The following ST8SIA6 variants were observed in gnomAD, a reference collection of about 807,000 sequenced individuals.
ST8SIA6 encodes the protein alpha-2,8-sialyltransferase 8F.
A neutral mutation model predicts 33.6 loss-of-function variants in ST8SIA6; 39 were observed. That is an observed-to-expected ratio of 1.16 (90% CI 0.90 to 1.52). ST8SIA6 has a LOEUF of 1.52. Among genes scored for constraint, ST8SIA6 ranks in the 40% most tolerant of loss-of-function variants. The pLI is 0.00. For missense variants in ST8SIA6, 441 were observed against 443.8 expected, an observed-to-expected ratio of 0.99 and a Z score of 0.06; for synonymous variants, 172 against 167.2, an observed-to-expected ratio of 1.03 and a Z score of -0.22.
chr10:17,368,697 T>A (rs529278416), intron 3 of ST8SIA6, among the ~76,000 whole-genome samples: 3 of 148,806 alleles, frequency 2.0e-5, no homozygotes, highest in African/African-American at 7.3e-5. Context: ...AAGTAATAAT[T>A]AAGTAAGCTG....
intron 2 of ST8SIA6, among the ~76,000 whole-genome samples, chr10:17,414,189 C>G (rs1301642160): frequency 3.9e-5 from 6 of 152,204 alleles, no homozygotes; most frequent in Non-Finnish European, 8.8e-5. Flanking sequence ...GGGGCTACCC[C>G]CAACTAGCCA....
chr10:17,328,288 C>G (rs969497173), intron 5 of ST8SIA6, among the ~76,000 whole-genome samples: 1 of 152,196 alleles, frequency 6.6e-6, no homozygotes, highest in African/African-American at 2.4e-5. Flanking sequence ...AATGACCAGC[C>G]AGCGTGCTTC....
chr10:17,454,116 C>A lies in ST8SIA6; in HGVS notation c.101+39G>T. 2 of 257,794 alleles carry A rather than the reference C, an allele frequency of 7.8e-6. 1 individual carries two copies. The highest frequency in any genetic ancestry group is 2.3e-3 in the Middle Eastern group (2 of 880). 16.0% of individuals were successfully genotyped at this position (257,794 alleles called of 1,614,324 possible). ...GGGGGTCCGGGGGCGCCAGGCGGGG[C>A]GCGCGGCGCGGGGCGCGGCCGGCGG... On this transcript the variant is annotated intron_variant, in intron 1 of 7. Transcript: ENST00000377602. The surrounding 1 kb of genome is among the most constrained non-coding windows in gnomAD (Gnocchi z 4.1).
At chr10:17,333,783 A>T (rs1348624875) in intron 4 of ST8SIA6, among the ~76,000 whole-genome samples, 1 of 128,916 alleles carries the variant, frequency 7.8e-6, no homozygotes, top group Non-Finnish European at 1.6e-5. Context: ...GTGCAGCGGC[A>T]CAATTTCAGC....
At position 17,367,571 on chromosome 10, in the gene ST8SIA6, A is replaced by G. The variant is rs980235844; in HGVS notation, c.291-7971T>C. ...CCAGGATAAAGAGAATCAATAAACAAATAATGAGTCTGATATTTAAGAGTT... is the reference window on the plus strand; with the variant it reads ...CCAGGATAAAGAGAATCAATAAACAGATAATGAGTCTGATATTTAAGAGTT... On this transcript the variant is annotated intron_variant, in intron 3 of 7. Coordinates refer to ENST00000377602, the MANE Select transcript of ST8SIA6 (RefSeq NM_001004470.3). Among the ~76,000 whole-genome samples, 4 of 152,174 alleles carry G rather than the reference A, an allele frequency of 2.6e-5. No individual in the cohort carries two copies. The East Asian group carries it at 7.7e-4, about 29-fold the overall frequency.
intron 3 of ST8SIA6, among the ~76,000 whole-genome samples, chr10:17,373,015 G>A (rs557162082): frequency 2.6e-5 from 4 of 152,268 alleles, no homozygotes; most frequent in African/African-American, 7.2e-5. Context: ...CCTACAGATC[G>A]AGGGTACAGG....
chr10:17,340,958 G>A (rs1848652786), intron 4 of ST8SIA6, among the ~76,000 whole-genome samples: 1 of 152,224 alleles, frequency 6.6e-6, no homozygotes. Flanking sequence ...GAGTCTGTGT[G>A]TTTGCCTGTG....
At chr10:17,422,703 G>C (rs1048921781) in intron 2 of ST8SIA6, among the ~76,000 whole-genome samples, 1 of 152,148 alleles carries the variant, frequency 6.6e-6, no homozygotes, top group Non-Finnish European at 1.5e-5. Flanking sequence ...GCAACAATTT[G>C]TCTTCTTCTA....
intron 4 of ST8SIA6, among the ~76,000 whole-genome samples, chr10:17,333,688 T>TATATATATATATAG (rs1848379142): frequency 4.7e-5 from 1 of 21,322 alleles, no homozygotes; most frequent in Admixed American, 7.4e-4. Context: ...TATATATATA[T>TATATATATATATAG]ATATATATAT....
At chr10:17,362,999 C>T (rs138124250) in intron 3 of ST8SIA6, among the ~76,000 whole-genome samples, 3 of 152,210 alleles carry the variant, frequency 2.0e-5, no homozygotes, top group African/African-American at 4.8e-5. Context: ...CCTGAGCCAC[C>T]GTGCCTGGCC....
intron 4 of ST8SIA6, 61 bp from the exon 5 acceptor site, chr10:17,331,613 A>G (rs1455828771): frequency 6.0e-6 from 9 of 1,505,290 alleles, no homozygotes; most frequent in Non-Finnish European, 8.0e-6. Flanking sequence ...GAAAATGCAG[A>G]CCACGATGGA....
intron 6 of ST8SIA6, among the ~76,000 whole-genome samples, chr10:17,323,970 C>A (rs963858270): frequency 6.6e-6 from 1 of 152,074 alleles, no homozygotes; most frequent in East Asian, 1.9e-4. Context: ...GATAGTTTTG[C>A]CACCAAATTA....
chr10:17,443,765 A>T (rs1299082625), intron 2 of ST8SIA6, among the ~76,000 whole-genome samples: 1 of 152,224 alleles, frequency 6.6e-6, no homozygotes, highest in Admixed American at 6.5e-5. Flanking sequence ...TACAGCAATG[A>T]TCATCTTCCT....
intron 2 of ST8SIA6, among the ~76,000 whole-genome samples, chr10:17,417,990 C>G (rs1325615355): frequency 6.6e-6 from 1 of 152,196 alleles, no homozygotes. Flanking sequence ...AAAGTTCTTT[C>G]AGCATTTGTC....
At chr10:17,385,468 G>C (rs552203081) in intron 3 of ST8SIA6, among the ~76,000 whole-genome samples, 1 of 151,432 alleles carries the variant, frequency 6.6e-6, no homozygotes, top group Non-Finnish European at 1.5e-5. Context: ...GGAGTGAGTC[G>C]GAAAAAGGAG....
intron 6 of ST8SIA6, among the ~76,000 whole-genome samples, chr10:17,326,737 G>T (rs570785017): frequency 6.6e-6 from 1 of 152,120 alleles, no homozygotes; most frequent in Admixed American, 6.5e-5. Flanking sequence ...CGTACTGAAC[G>T]CTCTGAAAGG....
At chr10:17,370,328 T>C (rs1849691651) in intron 3 of ST8SIA6, among the ~76,000 whole-genome samples, 2 of 152,204 alleles carry the variant, frequency 1.3e-5, no homozygotes, top group Non-Finnish European at 2.9e-5. Context: ...CATTCAAATT[T>C]AATGTTGTTA....
chr10:17,402,899 A>T (rs1405344746), intron 2 of ST8SIA6, among the ~76,000 whole-genome samples: 1 of 152,190 alleles, frequency 6.6e-6, no homozygotes, highest in Non-Finnish European at 1.5e-5. Flanking sequence ...CATTATGCAC[A>T]TGTACCCTAG....
intron 3 of ST8SIA6, among the ~76,000 whole-genome samples, chr10:17,373,736 T>G (rs1051603386): frequency 6.6e-6 from 1 of 152,202 alleles, no homozygotes; most frequent in Admixed American, 6.5e-5. Context: ...TTGAAAATAA[T>G]TCCAATTATT....
Sources: gnomAD v4.1 joint callset for allele counts (sites outside exome capture counted in the v4.1 genomes callset) on GRCh38, gnomAD v4.1.1 for gene constraint, Gnocchi (gnomAD v3.1) non-coding constraint, MANE v1.5 for transcripts, NCBI Gene and HGNC (gene_info 2026-07-23, HGNC 2026-07-21) for gene names.